DEUP1: variants seen among roughly 807,000 people sequenced by gnomAD.
DEUP1 encodes the protein coiled-coil domain containing 67.
DEUP1 carries 82 observed loss-of-function variants against 87.4 expected under a neutral mutation model. That is an observed-to-expected ratio of 0.94 (90% CI 0.78 to 1.13). The LOEUF is 1.13. Among genes scored for constraint, DEUP1 ranks in the 50% most tolerant of loss-of-function variants. The pLI, the probability that DEUP1 is intolerant of heterozygous loss-of-function variation, is 0.00. For missense variants in DEUP1, 663 were observed against 681.5 expected (o/e 0.97, Z 0.30); for synonymous variants, 214 against 222.7 (o/e 0.96, Z 0.35).
At chr11:93,344,574 T>G (rs1233614459) in intron 2 of DEUP1, among the ~76,000 whole-genome samples, 1 of 152,100 alleles carries the variant, frequency 6.6e-6, no homozygotes, top group Non-Finnish European at 1.5e-5. Context: ...TCTCCCACGC[T>G]CCACACCCAT....
chr11:93,338,748 A>G (rs1202026580), intron 2 of DEUP1, among the ~76,000 whole-genome samples: 2 of 152,222 alleles, frequency 1.3e-5, no homozygotes, highest in African/African-American at 4.8e-5. Context: ...AAAGAATGAC[A>G]GCTTATTAAA....
rs1947344845 is a variant in DEUP1, at chr11:93,408,434, T to C, written c.1523+7T>C. 6.6e-7 allele frequency: 1 copy of C among 1,504,438 alleles called. No homozygotes were observed. The highest frequency in any genetic ancestry group is 2.2e-5 in the Admixed American group (1 of 45,254). The allele number at this position is 1,504,438 out of a possible 1,614,324, so 93.2% of individuals were successfully genotyped here. A position where few individuals can be genotyped will look rare whatever the true frequency, so the allele number is the denominator to read the frequency against. ...TGGAACAAAATGAAGAGAGGTATGC[T>C]GGCTCCATTATATAAGGGCATAAGT... On this transcript the variant is annotated splice_region_variant and intron_variant, in intron 12 of 13. Coordinates refer to ENST00000298050, the MANE Select transcript of DEUP1 (RefSeq NM_181645.4).
chr11:93,394,694 A>G (rs769971966), intron 10 of DEUP1, 38 bp downstream of exon 10: 1 of 1,451,162 alleles, frequency 6.9e-7, no homozygotes, highest in Non-Finnish European at 9.5e-7. Context: ...TCTAGGGCAC[A>G]TTCTTGCTCA....
chr11:93,427,927 C>T (rs977615134), intron 13 of DEUP1, among the ~76,000 whole-genome samples: 3 of 148,300 alleles, frequency 2.0e-5, no homozygotes, highest in Non-Finnish European at 4.5e-5. Flanking sequence ...CAATGAGATA[C>T]CATCTCATGC....
rs987116878 is a variant in DEUP1 at position 93,371,432 on chromosome 11, C to T, written c.789+152C>T. ...TCCTCTTAGTAATTCGCACTTGATGCGTAGATTCAATAATCCCATAAGTAT... is the reference window on the plus strand; with the variant it reads ...TCCTCTTAGTAATTCGCACTTGATGTGTAGATTCAATAATCCCATAAGTAT... On this transcript the variant is annotated intron_variant, in intron 7 of 13. Coordinates refer to ENST00000298050, the MANE Select transcript of DEUP1 (RefSeq NM_181645.4). Among the ~76,000 whole-genome samples, 5 of 151,866 alleles carry T rather than the reference C, an allele frequency of 3.3e-5. 1 individual carries two copies. The highest frequency in any genetic ancestry group is 1.9e-4 in the East Asian group (1 of 5,192).
At chr11:93,420,096 G>T (rs1947822420) in intron 13 of DEUP1, among the ~76,000 whole-genome samples, 1 of 152,114 alleles carries the variant, frequency 6.6e-6, no homozygotes, top group Non-Finnish European at 1.5e-5. Context: ...CCAAAGCCTG[G>T]CAGAGACACA....
At position 93,359,114 on chromosome 11, in the gene DEUP1, C is replaced by T. The variant is rs148346949; in HGVS notation, c.297+2071C>T. ...AAAGAAAAGTACTATGTACTTGATT[C>T]GGTTTGCATAAAGCTAGTAATATGC... On this transcript the variant is annotated intron_variant, in intron 4 of 13. Coordinates refer to ENST00000298050, the MANE Select transcript of DEUP1 (RefSeq NM_181645.4). Among the ~76,000 whole-genome samples, 220 of 152,240 alleles carry T rather than the reference C, an allele frequency of 1.4e-3. 1 individual carries two copies. The highest frequency in any genetic ancestry group is 5.1e-3 in the African/African-American group (210 of 41,552).
intron 2 of DEUP1, among the ~76,000 whole-genome samples, chr11:93,338,960 T>C (rs367853963): frequency 6.6e-6 from 1 of 152,284 alleles, no homozygotes; most frequent in East Asian, 1.9e-4. Context: ...GGAGAATGTA[T>C]GGGGAATGGT....
Position 93,415,428 on chromosome 11 carries a change from GATCCGT to G in DEUP1, c.1638+317_1638+322del, listed in dbSNP as rs532721207. Among the ~76,000 whole-genome samples the G allele has an allele frequency of 3.3e-5, 5 of 152,134 alleles. No individual in the cohort carries two copies. The East Asian group carries it at 9.7e-4, about 29-fold the overall frequency. ...CTTCAATATTCCATGAGTCCTCAAG[GATCCGT>G]ATATTTTAAAGAGCTACAGTGATCT... On this transcript the variant is annotated intron_variant, in intron 13 of 13. Coordinates refer to ENST00000298050, the MANE Select transcript of DEUP1 (RefSeq NM_181645.4).
At chr11:93,333,042 C>A (rs1239622030) in intron 2 of DEUP1, among the ~76,000 whole-genome samples, 1 of 152,202 alleles carries the variant, frequency 6.6e-6, no homozygotes, top group Non-Finnish European at 1.5e-5. Context: ...TGATGTCAGG[C>A]TGAAAGAAAG....
In DEUP1 at chr11:93,364,096, A is replaced by G. The variant is rs1945302454; in HGVS notation, c.298-64A>G. ...CAAAGAGGTACACAGGAAAAGAGAT[A>G]TAGTGAAATCAGGTTAGAAATAATT... On this transcript the variant is annotated intron_variant, in intron 4 of 13. Transcript: ENST00000298050. 5 of 1,195,292 alleles carry G rather than the reference A, an allele frequency of 4.2e-6. No individual in the cohort carries two copies. The Admixed American group carries it at 9.4e-5, about 23-fold the overall frequency. 74.0% of individuals were successfully genotyped at this position (1,195,292 alleles called of 1,614,324 possible).
intron 2 of DEUP1, among the ~76,000 whole-genome samples, chr11:93,333,294 A>T (rs374716946): frequency 1.3e-5 from 2 of 152,216 alleles, no homozygotes; most frequent in African/African-American, 4.8e-5. Context: ...TACACGGACC[A>T]GGATTGGTTT....
Position 93,371,018 on chromosome 11 carries a change from A to G in DEUP1, c.547-20A>G. The G allele has an allele frequency of 6.3e-7, 1 of 1,594,884 alleles. No homozygotes were observed. Among genetic ancestry groups the G allele is most frequent in the Non-Finnish European group, 8.6e-7 (1 of 1,168,352 alleles). On this transcript the variant is annotated intron_variant, in intron 6 of 13. Transcript: ENST00000298050. ...ATATGACATTCTTCATTTGAGTTAC[A>G]CAGTTTTTATATTTTTCAGAAACAG...
chr11:93,432,945 C>T (rs960754463), intron 13 of DEUP1, among the ~76,000 whole-genome samples: 6 of 152,052 alleles, frequency 3.9e-5, no homozygotes, highest in Admixed American at 3.9e-4. Flanking sequence ...CTTCAGGGCT[C>T]CATCTTTTAA....
chr11:93,390,641 C>A lies in DEUP1; in HGVS notation c.1041+1516C>A, dbSNP rs527485073. Among the ~76,000 whole-genome samples, 134 of 151,972 alleles carry A rather than the reference C, an allele frequency of 8.8e-4. 1 individual carries two copies. The highest frequency in any genetic ancestry group is 1.6e-3 in the Non-Finnish European group (110 of 68,006). On this transcript the variant is annotated intron_variant, in intron 9 of 13. Transcript: ENST00000298050. Reference sequence around the variant, plus strand: ...CATAGATTTAGATAAAGTAATAAAACTTTGAGTAATATAAAGAATCTACTG... The same window carrying A: ...CATAGATTTAGATAAAGTAATAAAAATTTGAGTAATATAAAGAATCTACTG...
Position 93,410,051 on chromosome 11 carries a change from TA to T in DEUP1, c.1523+1633del, listed in dbSNP as rs560639131. 4.4e-3 allele frequency among the ~76,000 whole-genome samples: 670 copies of T among 151,198 alleles called. 3 individuals carry two copies. The highest frequency in any genetic ancestry group is 0.015 in the African/African-American group (632 of 41,178). On this transcript the variant is annotated intron_variant, in intron 12 of 13. Coordinates refer to ENST00000298050, the MANE Select transcript of DEUP1 (RefSeq NM_181645.4). ...AAATCCGTAGGTCCATGGGATATAT[TA>T]AAAAAAAATGTTCAACATAAAACAG...
Position 93,356,996 on chromosome 11 carries a change from G to A in DEUP1, c.250G>A (p.Ala84Thr). 31 of 1,603,260 alleles carry A rather than the reference G, an allele frequency of 1.9e-5. No homozygotes were observed. Among genetic ancestry groups the A allele is most frequent in the Non-Finnish European group, 2.6e-5 (31 of 1,175,060 alleles). ...KLDSLEKCNL[A>T]MTQNYEGQLQ... The stretch of plus-strand genomic sequence containing the variant: ...GGACAGTCTGGAAAAATGTAATTTA[G>A]CAATGACTCAGAATTATGAAGGACA... The change falls in exon 4 of 14, where the codon GCA becomes ACA. Residue 84 changes from alanine to threonine, a missense_variant. Transcript: ENST00000298050.
chr11:93,386,106 C>T (rs1444153505), intron 8 of DEUP1, among the ~76,000 whole-genome samples: 1 of 151,774 alleles, frequency 6.6e-6, no homozygotes, highest in Non-Finnish European at 1.5e-5. Context: ...ATTATGTATA[C>T]TCAGAGAAAT....
chr11:93,395,151 G>A (rs867854841), intron 10 of DEUP1, among the ~76,000 whole-genome samples: 87 of 152,120 alleles, frequency 5.7e-4, no homozygotes, highest in African/African-American at 1.6e-3. Flanking sequence ...AGCATGGTAC[G>A]TGAGGAAAAA....
Sources: allele counts gnomAD v4.1 joint callset (sites outside exome capture counted in the v4.1 genomes callset), GRCh38; gene constraint gnomAD v4.1.1; transcripts MANE v1.5; gene names NCBI Gene and HGNC (gene_info 2026-07-23, HGNC 2026-07-21).